SNTG1: variants seen among roughly 807,000 people sequenced by gnomAD.
The protein encoded by SNTG1 is gamma-1-syntrophin.
In SNTG1, 39 loss-of-function variants were observed where a neutral mutation model predicts 74.7. The observed-to-expected ratio is 0.52, with a 90% CI of 0.40 to 0.68. The LOEUF is 0.68. SNTG1 is among the 30% of genes least tolerant of loss of function. SNTG1 has a pLI of 0.00. For missense variants in SNTG1, 685 were observed against 609.5 expected, an observed-to-expected ratio of 1.12 and a Z score of -1.30; for synonymous variants, 254 against 217.1, an observed-to-expected ratio of 1.17 and a Z score of -1.49.
rs138638643 is a variant in SNTG1, at chr8:50,487,916, T to G, written c.364-14862T>G. ...CTTTATTTCTTCATTGCTTATTCTG[T>G]GTTACCTCATATGGTGTTTTGAATG... On this transcript the variant is annotated intron_variant, in intron 8 of 18. Coordinates refer to ENST00000642720, the MANE Select transcript of SNTG1 (RefSeq NM_018967.5). Among the ~76,000 whole-genome samples the G allele has an allele frequency of 1.9e-3, 294 of 152,314 alleles. 3 individuals carry two copies. The highest frequency in any genetic ancestry group is 6.7e-3 in the African/African-American group (279 of 41,570).
At chr8:50,777,371 T>A (rs912287604) in intron 18 of SNTG1, among the ~76,000 whole-genome samples, 1 of 150,486 alleles carries the variant, frequency 6.6e-6, no homozygotes, top group Non-Finnish European at 1.5e-5. Flanking sequence ...GTTCACTGAC[T>A]CTTCTGTTCT....
Position 50,677,689 on chromosome 8 carries a change from T to C in SNTG1, c.1038+19026T>C, listed in dbSNP as rs1171060957. On this transcript the variant is annotated intron_variant, in intron 15 of 18. Transcript: ENST00000642720. ...TATTACTGTTTTAAAAGTAAAAATA[T>C]AATTTTAATGTCAGAAGAAGCCCAG... is the stretch of plus-strand genomic sequence containing the variant. Among the ~76,000 whole-genome samples, 10 of 152,134 alleles carry C rather than the reference T, an allele frequency of 6.6e-5. No homozygotes were observed. In the South Asian group the frequency reaches 2.1e-3, roughly 32 times the overall value.
chr8:50,699,437 G>C (rs999502284), intron 15 of SNTG1, among the ~76,000 whole-genome samples: 13 of 152,016 alleles, frequency 8.6e-5, no homozygotes, highest in African/African-American at 3.1e-4. Flanking sequence ...TGTGCAAAGT[G>C]TGATTGTCTA....
chr8:50,454,230 C>T (rs2093481885), intron 8 of SNTG1, among the ~76,000 whole-genome samples: 1 of 152,182 alleles, frequency 6.6e-6, no homozygotes. Context: ...GGTGCGGTGG[C>T]TCATGCCTGT....
chr8:50,698,503 G>T (rs766743413), intron 15 of SNTG1, among the ~76,000 whole-genome samples: 1 of 152,064 alleles, frequency 6.6e-6, no homozygotes, highest in Non-Finnish European at 1.5e-5. Flanking sequence ...GAAAGATGGG[G>T]TGAGCCTGGT....
intron 5 of SNTG1, among the ~76,000 whole-genome samples, chr8:50,449,154 A>G (rs4873147): frequency 0.83 from 126,466 of 152,228 alleles, 53,017 homozygotes; most frequent in Non-Finnish European, 0.89. Flanking sequence ...GGAGGAATTC[A>G]ATACTAAGGA....
At chr8:50,035,724 A>G (rs1373913148) in intron 1 of SNTG1, among the ~76,000 whole-genome samples, 1 of 152,196 alleles carries the variant, frequency 6.6e-6, no homozygotes, top group Non-Finnish European at 1.5e-5. Context: ...GAGGACTAAC[A>G]CAGACCATCA....
intron 1 of SNTG1, among the ~76,000 whole-genome samples, chr8:50,087,277 C>T (rs1389885259): frequency 6.6e-6 from 1 of 152,068 alleles, no homozygotes; most frequent in Non-Finnish European, 1.5e-5. Flanking sequence ...TTTGAACTTC[C>T]CCTGAAAGGG....
intron 15 of SNTG1, among the ~76,000 whole-genome samples, chr8:50,692,634 G>A (rs2095386491): frequency 6.6e-6 from 1 of 152,144 alleles, no homozygotes; most frequent in Admixed American, 6.5e-5. Context: ...GGAGTACCTG[G>A]CCATGTGAGG....
intron 2 of SNTG1, among the ~76,000 whole-genome samples, chr8:50,177,276 A>T (rs2083033802): frequency 6.6e-6 from 1 of 152,166 alleles, no homozygotes; most frequent in Admixed American, 6.5e-5. Context: ...CCTCTTGTTC[A>T]TATGACTTTC....
intron 2 of SNTG1, among the ~76,000 whole-genome samples, chr8:50,208,710 T>C (rs866425167): frequency 6.6e-6 from 1 of 152,214 alleles, no homozygotes; most frequent in African/African-American, 2.4e-5. Context: ...CAGTCTTTCC[T>C]TTCCATGTTT....
At chr8:50,366,195 C>T (rs1420265358) in intron 2 of SNTG1, among the ~76,000 whole-genome samples, 1 of 152,134 alleles carries the variant, frequency 6.6e-6, no homozygotes, top group Non-Finnish European at 1.5e-5. Flanking sequence ...ATTGCCAAGA[C>T]ATGCTTGTAG....
intron 13 of SNTG1, among the ~76,000 whole-genome samples, chr8:50,645,354 A>G (rs959976242): frequency 6.6e-6 from 1 of 151,806 alleles, no homozygotes; most frequent in South Asian, 2.1e-4. Flanking sequence ...TTTTTTTTAT[A>G]TAATTTCCTA....
rs143843452 is a variant in SNTG1, at chr8:50,242,488, A to G, written c.-28+69853A>G. On this transcript the variant is annotated intron_variant, in intron 2 of 18. Coordinates refer to ENST00000642720, the MANE Select transcript of SNTG1 (RefSeq NM_018967.5). ...GGTTGCAGTGAGCCAAAATCATGCC[A>G]CTGCTCTCCAGCCTGGGTGAAAGAG... Among the ~76,000 whole-genome samples the G allele has an allele frequency of 2.2e-3, 314 of 145,408 alleles. 2 individuals are homozygous for G. The highest frequency in any genetic ancestry group is 7.3e-3 in the African/African-American group (293 of 39,872).
At chr8:50,314,003 A>G (rs553535137) in intron 2 of SNTG1, among the ~76,000 whole-genome samples, 2 of 149,816 alleles carry the variant, frequency 1.3e-5, no homozygotes, top group East Asian at 2.0e-4. Flanking sequence ...CCAATCTTAT[A>G]TATATCTTTT....
chr8:50,496,275 T>C (rs1316923157), intron 8 of SNTG1, among the ~76,000 whole-genome samples: 1 of 152,190 alleles, frequency 6.6e-6, no homozygotes, highest in African/African-American at 2.4e-5. Context: ...ATCAAAATCT[T>C]ACTTGATTCC....
At chr8:50,556,459 A>G (rs561103176) in intron 12 of SNTG1, among the ~76,000 whole-genome samples, 1 of 152,350 alleles carries the variant, frequency 6.6e-6, no homozygotes, top group South Asian at 2.1e-4. Flanking sequence ...AGATTCTAAA[A>G]GGTAGAATTT....
Position 50,557,822 on chromosome 8 carries a change from A to G in SNTG1, c.810+4643A>G, listed in dbSNP as rs996290923. ...AGGTGAACAACATGATTAGATTTAG[A>G]CAGTTCTGTCTGATTTTTGTGCAAT... On this transcript the variant is annotated intron_variant, in intron 12 of 18. Transcript: ENST00000642720. Among the ~76,000 whole-genome samples the G allele has an allele frequency of 6.6e-5, 10 of 152,212 alleles. 1 individual carries two copies. Among genetic ancestry groups the G allele is most frequent in the African/African-American group, 2.2e-4 (9 of 41,458 alleles).
intron 18 of SNTG1, among the ~76,000 whole-genome samples, chr8:50,778,627 C>CA (rs2095648564): frequency 2.3e-5 from 3 of 127,666 alleles, no homozygotes; most frequent in African/African-American, 9.9e-5. Flanking sequence ...GAGTAGGTTG[C>CA]GAAAATTTTC....
Sources: allele counts gnomAD v4.1 joint callset (sites outside exome capture counted in the v4.1 genomes callset), GRCh38; gene constraint gnomAD v4.1.1; transcripts MANE v1.5; gene names NCBI Gene and HGNC (gene_info 2026-07-23, HGNC 2026-07-21).